Variants in APPBP2 observed in about 807,000 individuals in gnomAD.
The protein encoded by APPBP2 is amyloid protein-binding protein 2.
Under a neutral mutation model 76.0 loss-of-function variants are expected in APPBP2, and 15 were observed. The observed-to-expected ratio is 0.20, with a 90% CI of 0.13 to 0.30. The LOEUF (loss-of-function observed/expected upper bound fraction) is 0.30, where lower values mean the gene tolerates loss of function less well. APPBP2 is among the 10% of genes least tolerant of loss of function. The pLI, the probability that APPBP2 is intolerant of heterozygous loss-of-function variation, is 1.00. For synonymous variants in APPBP2, 222 were observed against 242.2 expected (o/e 0.92, Z 0.77); for missense variants, 401 against 687.2 (o/e 0.58, Z 4.66).
intron 6 of APPBP2, 59 bp downstream of exon 6, chr17:60,463,962 A>C: frequency 7.9e-7 from 1 of 1,266,198 alleles, no homozygotes; most frequent in Non-Finnish European, 1.1e-6. Context: ...GTTAATTAAA[A>C]CAAACTTAAA....
intron 1 of APPBP2, among the ~76,000 whole-genome samples, chr17:60,517,983 G>A (rs2090976251): frequency 6.6e-6 from 1 of 151,650 alleles, no homozygotes. Flanking sequence ...ATTAGTATTA[G>A]ATCTTTCTGT....
At chr17:60,479,120 C>A (rs749152933) in intron 4 of APPBP2, 28 bp downstream of exon 4, 1 of 1,599,462 alleles carries the variant, frequency 6.3e-7, no homozygotes, top group Non-Finnish European at 8.5e-7. Context: ...TGTTATAGCA[C>A]GTAATTACAG....
intron 4 of APPBP2, among the ~76,000 whole-genome samples, chr17:60,471,993 G>A (rs2090556036): frequency 6.6e-6 from 1 of 152,160 alleles, no homozygotes; most frequent in Non-Finnish European, 1.5e-5. Context: ...AGGTGTGGTG[G>A]TGGGAGCCTG....
At chr17:60,458,006 C>T (rs544806500) in intron 9 of APPBP2, among the ~76,000 whole-genome samples, 12,527 of 150,648 alleles carry the variant, frequency 0.083, 1,706 homozygotes, top group African/African-American at 0.29. Flanking sequence ...GTTCTCTCTA[C>T]GGATTTGCCT....
rs986284653 is a variant in APPBP2, at chr17:60,466,167, C to T, written c.672+124G>A. On this transcript the variant is annotated intron_variant, in intron 5 of 12. Coordinates refer to ENST00000083182, the MANE Select transcript of APPBP2 (RefSeq NM_006380.5). ...TTAAATTTTCCATTACAAATGTGTA[C>T]TGCCTTATATAAACCTAATATGTAA... is the stretch of plus-strand genomic sequence containing the variant. 4.4e-5 allele frequency: 40 copies of T among 909,428 alleles called. 1 individual carries two copies. In the South Asian group the frequency reaches 5.9e-4, roughly 14 times the overall value. The allele number at this position is 909,428 out of a possible 1,614,324, so 56.3% of individuals were successfully genotyped here. A position where few individuals can be genotyped will look rare whatever the true frequency, so the allele number is the denominator to read the frequency against.
chr17:60,518,362 T>C (rs113313148), intron 1 of APPBP2, among the ~76,000 whole-genome samples: 1,480 of 61,088 alleles, frequency 0.024, 21 homozygotes, highest in East Asian at 0.06. Flanking sequence ...TGCGTGCGTG[T>C]GTGTGTGTGT....
intron 4 of APPBP2, chr17:60,468,535 C>A (rs1372961815): frequency 6.6e-6 from 1 of 152,152 alleles, no homozygotes; most frequent in African/African-American, 2.4e-5. Flanking sequence ...TAGTAATTGG[C>A]ACATGATGAA....
At chr17:60,498,312 T>C (rs1257892426) in intron 2 of APPBP2, among the ~76,000 whole-genome samples, 1 of 152,162 alleles carries the variant, frequency 6.6e-6, no homozygotes, top group Admixed American at 6.6e-5. Flanking sequence ...CTTCTCTTTG[T>C]CACCAAGCTT....
At chr17:60,459,489 C>CTTTTTTTT (rs35042120) in intron 9 of APPBP2, 2 of 116,134 alleles carry the variant, frequency 1.7e-5, no homozygotes, top group Non-Finnish European at 3.4e-5. Context: ...GTTGTAGTCC[C>CTTTTTTTT]TTTTTTTTTT....
At chr17:60,505,097 A>G (rs1191401837) in intron 1 of APPBP2, among the ~76,000 whole-genome samples, 1 of 152,234 alleles carries the variant, frequency 6.6e-6, no homozygotes, top group Non-Finnish European at 1.5e-5. Flanking sequence ...CTGAAATAAT[A>G]CAATGCTTAT....
intron 1 of APPBP2, among the ~76,000 whole-genome samples, chr17:60,518,506 G>GTGTGTGTGTGTGTGTGTA (rs1352328541): frequency 3.4e-5 from 5 of 148,222 alleles, no homozygotes; most frequent in African/African-American, 1.2e-4. Context: ...GCCCAGCCGT[G>GTGTGTGTGTGTGTGTGTA]TGTGTGTGTG....
intron 1 of APPBP2, among the ~76,000 whole-genome samples, chr17:60,523,439 G>A (rs1217845901): frequency 6.6e-6 from 1 of 152,004 alleles, no homozygotes; most frequent in Non-Finnish European, 1.5e-5. Context: ...CAAGGTTGCG[G>A]TGAGCTATGA....
chr17:60,523,846 G>A (rs1285552299), intron 1 of APPBP2, among the ~76,000 whole-genome samples: 1 of 151,978 alleles, frequency 6.6e-6, no homozygotes, highest in Non-Finnish European at 1.5e-5. Context: ...AAAGAGCAAG[G>A]AACTCAGGAA....
intron 2 of APPBP2, among the ~76,000 whole-genome samples, chr17:60,495,528 G>C (rs1168727519): frequency 6.6e-6 from 1 of 151,458 alleles, no homozygotes; most frequent in Non-Finnish European, 1.5e-5. Context: ...CTGGAGAGAA[G>C]TGGCATGATC....
intron 9 of APPBP2, among the ~76,000 whole-genome samples, chr17:60,456,796 C>T (rs182441331): frequency 2.0e-4 from 31 of 152,158 alleles, no homozygotes; most frequent in African/African-American, 7.5e-4. Context: ...TCTCACGACT[C>T]GCTCCTCAGG....
intron 6 of APPBP2, among the ~76,000 whole-genome samples, chr17:60,463,049 G>GT (rs1281534931): frequency 1.3e-5 from 2 of 151,414 alleles, no homozygotes; most frequent in East Asian, 1.9e-4. Flanking sequence ...AATTAAAAAC[G>GT]TAAGAATATC....
At chr17:60,468,837 C>G (rs1047341718) in intron 4 of APPBP2, among the ~76,000 whole-genome samples, 5 of 152,176 alleles carry the variant, frequency 3.3e-5, no homozygotes, top group African/African-American at 1.2e-4. Flanking sequence ...TTATGTCTAC[C>G]TGATCAACAC....
At chr17:60,507,849 G>A (rs112335648) in intron 1 of APPBP2, among the ~76,000 whole-genome samples, 12,417 of 151,992 alleles carry the variant, frequency 0.082, 1,657 homozygotes, top group African/African-American at 0.28. Context: ...GTACAGTGGC[G>A]TGATCATAGC....
At chr17:60,470,791 G>C (rs984937299) in intron 4 of APPBP2, among the ~76,000 whole-genome samples, 3 of 137,732 alleles carry the variant, frequency 2.2e-5, no homozygotes, top group African/African-American at 9.1e-5. Flanking sequence ...TGGCCAGACT[G>C]GATTTTTTTT....
Sources: gnomAD v4.1 joint callset for allele counts (sites outside exome capture counted in the v4.1 genomes callset) on GRCh38, gnomAD v4.1.1 for gene constraint, MANE v1.5 for transcripts, NCBI Gene and HGNC (gene_info 2026-07-23, HGNC 2026-07-21) for gene names.